Variants in SLC25A21 observed in about 807,000 individuals in gnomAD.
SLC25A21 encodes the protein solute carrier family 25 member 21.
In SLC25A21, 47 loss-of-function variants were observed where a neutral mutation model predicts 43.8. The ratio of observed to expected loss-of-function variants is 1.07; its 90% confidence interval spans 0.85 to 1.37. The LOEUF is 1.37. SLC25A21 is among the 40% of genes most tolerant of loss of function. The pLI is 0.00. For synonymous variants in SLC25A21, 131 were observed against 121.3 expected (o/e 1.08, Z -0.52); for missense variants, 352 against 350.2 (o/e 1.00, Z -0.04).
intron 1 of SLC25A21, among the ~76,000 whole-genome samples, chr14:36,944,233 C>G (rs1892631760): frequency 6.6e-6 from 1 of 152,088 alleles, no homozygotes; most frequent in African/African-American, 2.4e-5. Context: ...TACTGTCGGG[C>G]AAGGACAAAC....
At chr14:36,924,968 T>C (rs961802448) in intron 1 of SLC25A21, among the ~76,000 whole-genome samples, 7 of 152,130 alleles carry the variant, frequency 4.6e-5, no homozygotes, top group East Asian at 1.9e-4. Context: ...TGAGGGACAA[T>C]TGTATTCTGC....
rs35286747 is a variant in SLC25A21, at chr14:36,928,435, A to AT, written c.71-53432dup. 1.7e-4 allele frequency among the ~76,000 whole-genome samples: 25 copies of AT among 151,080 alleles called. No individual in the cohort carries two copies. The South Asian group carries it at 2.1e-3, about 13-fold the overall frequency. ...CAGGACTAAGCTTCTAAGTAGAGTG[A>AT]TTTTTTTTTTGTTTTGTTTTAAATA... On this transcript the variant is annotated intron_variant, in intron 1 of 9. Transcript: ENST00000331299.
At chr14:36,743,861 T>C (rs1885379741) in intron 3 of SLC25A21, among the ~76,000 whole-genome samples, 1 of 152,160 alleles carries the variant, frequency 6.6e-6, no homozygotes. Context: ...CCAAAATCAG[T>C]AGCATTTCTA....
At chr14:36,912,638 C>T (rs1225711316) in intron 1 of SLC25A21, among the ~76,000 whole-genome samples, 4 of 152,160 alleles carry the variant, frequency 2.6e-5, no homozygotes, top group African/African-American at 7.2e-5. Flanking sequence ...AGAGTTTATA[C>T]ACAAACATAA....
chr14:37,112,181 G>C (rs777903698), intron 1 of SLC25A21, among the ~76,000 whole-genome samples: 1 of 151,902 alleles, frequency 6.6e-6, no homozygotes, highest in Non-Finnish European at 1.5e-5. Context: ...AAAGGTGATA[G>C]GGCAATACAT....
chr14:36,827,972 C>A (rs1888895752), intron 2 of SLC25A21, among the ~76,000 whole-genome samples: 1 of 152,190 alleles, frequency 6.6e-6, no homozygotes, highest in South Asian at 2.1e-4. Context: ...TTTTTTGTTA[C>A]ATTGCAACAC....
At chr14:37,139,356 C>A (rs190213455) in intron 1 of SLC25A21, among the ~76,000 whole-genome samples, 6 of 152,134 alleles carry the variant, frequency 3.9e-5, no homozygotes, top group Non-Finnish European at 8.8e-5. Flanking sequence ...AAAGTCTGAA[C>A]TAATTTAAAC....
intron 1 of SLC25A21, among the ~76,000 whole-genome samples, chr14:36,923,919 GA>G (rs1269754758): frequency 1.3e-5 from 2 of 152,144 alleles, no homozygotes; most frequent in African/African-American, 4.8e-5. Context: ...ACAGACACAT[GA>G]AAAAATGCTC....
intron 2 of SLC25A21, among the ~76,000 whole-genome samples, chr14:36,868,592 T>G (rs1890279028): frequency 6.6e-6 from 1 of 152,244 alleles, no homozygotes; most frequent in African/African-American, 2.4e-5. Context: ...TCTAACCATC[T>G]TTTAAAATAC....
rs180944781 is a variant in SLC25A21 at position 37,076,591 on chromosome 14, C to T, written c.70+95690G>A. ...GCAACCTCTGCCTCCCAGGTTCAAG[C>T]GATTCTCCTGCCTCAGTCTCCTAAG... is the stretch of plus-strand genomic sequence containing the variant. On this transcript the variant is annotated intron_variant, in intron 1 of 9. Coordinates refer to ENST00000331299, the MANE Select transcript of SLC25A21 (RefSeq NM_030631.4). Among the ~76,000 whole-genome samples, 222 of 150,750 alleles carry T rather than the reference C, an allele frequency of 1.5e-3. 1 individual carries two copies. The highest frequency in any genetic ancestry group is 2.6e-3 in the Non-Finnish European group (177 of 67,614).
chr14:37,031,948 C>T (rs559384489), intron 1 of SLC25A21, among the ~76,000 whole-genome samples: 1 of 152,274 alleles, frequency 6.6e-6, no homozygotes, highest in East Asian at 1.9e-4. Flanking sequence ...CAAAGATGGG[C>T]TCCTTAAAGA....
intron 1 of SLC25A21, among the ~76,000 whole-genome samples, chr14:37,137,062 G>A (rs1963493245): frequency 6.6e-6 from 1 of 152,100 alleles, no homozygotes; most frequent in Non-Finnish European, 1.5e-5. Context: ...GTGCAGTGGC[G>A]CAATCTCGGC....
At chr14:36,846,860 G>T (rs907392138) in intron 2 of SLC25A21, among the ~76,000 whole-genome samples, 3 of 152,126 alleles carry the variant, frequency 2.0e-5, no homozygotes, top group Non-Finnish European at 4.4e-5. Context: ...CAAACAAGCA[G>T]GCAAATAATG....
At chr14:36,862,304 G>A (rs989004437) in intron 2 of SLC25A21, among the ~76,000 whole-genome samples, 2 of 152,138 alleles carry the variant, frequency 1.3e-5, no homozygotes, top group African/African-American at 4.8e-5. Context: ...AAAGACACAT[G>A]CACATGTATG....
intron 6 of SLC25A21, among the ~76,000 whole-genome samples, chr14:36,720,365 C>T (rs1884325603): frequency 6.6e-6 from 1 of 152,128 alleles, no homozygotes; most frequent in African/African-American, 2.4e-5. Context: ...ATAGGAAAAC[C>T]CAAAATATGC....
intron 1 of SLC25A21, among the ~76,000 whole-genome samples, chr14:36,964,074 T>C (rs899969884): frequency 1.3e-5 from 2 of 152,328 alleles, no homozygotes; most frequent in African/African-American, 4.8e-5. Flanking sequence ...GGTAAATATA[T>C]TTTTAAATGA....
At chr14:36,824,710 A>C (rs1888759248) in intron 2 of SLC25A21, among the ~76,000 whole-genome samples, 1 of 151,868 alleles carries the variant, frequency 6.6e-6, no homozygotes, top group African/African-American at 2.4e-5. Context: ...GTGACCAGTA[A>C]AAGTGCTTCT....
intron 7 of SLC25A21, among the ~76,000 whole-genome samples, chr14:36,694,733 T>C (rs1427560159): frequency 6.6e-6 from 1 of 152,250 alleles, no homozygotes; most frequent in African/African-American, 2.4e-5. Flanking sequence ...CTAATTCATA[T>C]CCTTTGCCCA....
intron 1 of SLC25A21, among the ~76,000 whole-genome samples, chr14:36,966,562 T>C (rs1310953074): frequency 1.3e-5 from 2 of 152,142 alleles, no homozygotes; most frequent in African/African-American, 4.8e-5. Context: ...CCTGATTTTC[T>C]AATAGGAAAT....
Sources: allele counts gnomAD v4.1 joint callset (sites outside exome capture counted in the v4.1 genomes callset), GRCh38; gene constraint gnomAD v4.1.1; transcripts MANE v1.5; gene names NCBI Gene and HGNC (gene_info 2026-07-23, HGNC 2026-07-21).